Variants in PAX2 observed in about 807,000 individuals in gnomAD.
PAX2 encodes the protein paired box protein Pax-2.
PAX2 carries 9 observed loss-of-function variants against 41.7 expected under a neutral mutation model. The ratio of observed to expected loss-of-function variants is 0.22; its 90% CI spans 0.13 to 0.38. The LOEUF (loss-of-function observed/expected upper bound fraction) is 0.38, where lower values mean the gene tolerates loss of function less well. PAX2 is among the 10% of genes least tolerant of loss of function. PAX2 has a pLI of 1.00. For synonymous variants in PAX2, 221 were observed against 212.7 expected, an observed-to-expected ratio of 1.04 and a Z score of -0.34; for missense variants, 418 against 531.6, an observed-to-expected ratio of 0.79 and a Z score of 2.10.
Position 100,829,365 on chromosome 10 carries a change from G to A in PAX2, c.*1746G>A, listed in dbSNP as rs1008825223. ...TGGCCCGGCCGCCCTGTCTCCGCAG[G>A]CTAGATCCGAGGTGGCAGCTCCAGC... On this transcript the variant is annotated 3_prime_UTR_variant, in exon 10 of 10. Coordinates refer to ENST00000355243, the MANE Select transcript of PAX2 (RefSeq NM_000278.5). 4 of 214,516 alleles carry A rather than the reference G, an allele frequency of 1.9e-5. No individual in the cohort carries two copies. The highest frequency in any genetic ancestry group is 1.8e-4 in the Admixed American group (3 of 17,108). 13.3% of individuals were successfully genotyped at this position (214,516 alleles called of 1,614,324 possible). A position where few individuals can be genotyped will look rare whatever the true frequency, so the allele number is the denominator to read the frequency against.
chr10:100,803,587 C>A (rs907183443), intron 5 of PAX2, among the ~76,000 whole-genome samples: 7 of 152,140 alleles, frequency 4.6e-5, no homozygotes, highest in African/African-American at 1.2e-4. Context: ...CCATAAGTTT[C>A]TTTGTGCTCC....
Position 100,745,588 on chromosome 10 carries a change from C to T in PAX2, c.-673C>T, listed in dbSNP as rs1393379078. 3 of 205,198 alleles carry T rather than the reference C, an allele frequency of 1.5e-5. No homozygotes were observed. The highest frequency in any genetic ancestry group is 9.4e-5 in the East Asian group (1 of 10,656). The allele number at this position is 205,198 out of a possible 1,614,324, so 12.7% of individuals were successfully genotyped here. On this transcript the variant is annotated 5_prime_UTR_variant, in exon 1 of 10. Transcript: ENST00000355243. Reference sequence around the variant, plus strand: ...CACCGGGAGCCGAGGCTCCAGTCTCCGGCCGAGTCTTCTCGCAGCCGCAAC... The same window carrying T: ...CACCGGGAGCCGAGGCTCCAGTCTCTGGCCGAGTCTTCTCGCAGCCGCAAC...
intron 7 of PAX2, among the ~76,000 whole-genome samples, chr10:100,821,475 G>T (rs1326912479): frequency 1.3e-5 from 2 of 152,176 alleles, no homozygotes; most frequent in Non-Finnish European, 2.9e-5. Flanking sequence ...ATTTCTACAT[G>T]GCACTGCCCA....
At position 100,827,485 on chromosome 10, in the gene PAX2, T is replaced by C; in HGVS notation, c.1109-58T>C. ...GTCTTTTCTGTGCTTTTCTTTCCTT[T>C]TTTGTTCTCCTGTTTGTCCTCTCAC... is the stretch of plus-strand genomic sequence containing the variant. On this transcript the variant is annotated intron_variant, in intron 9 of 9. Coordinates refer to ENST00000355243, the MANE Select transcript of PAX2 (RefSeq NM_000278.5). This position sits in a 1 kb window ranked among gnomAD's most constrained non-coding sequence, Gnocchi z 8.5. The C allele has an allele frequency of 6.4e-7, 1 of 1,558,620 alleles. No individual in the cohort carries two copies. Among genetic ancestry groups the C allele is most frequent in the Non-Finnish European group, 8.9e-7 (1 of 1,129,744 alleles).
Position 100,827,074 on chromosome 10 carries a change from T to G in PAX2, c.1087T>G (p.Phe363Val). ...CACGGCCTACAACGAGGCTTGGAGA[T>G]TCAGCAACCCCGCCTTACTAAGTGA... ...QYTAYNEAWR[F>V]SNPALLSSPY... Residue 363 changes from phenylalanine to valine, a missense_variant, in exon 9 of 10, where the codon TTC becomes GTC. This residue lies in a region of PAX2 where 310 missense variants were observed against 325.2 expected (regional missense o/e 0.95). Transcript: ENST00000355243. This position sits in a 1 kb window ranked among gnomAD's most constrained non-coding sequence, Gnocchi z 8.5. The G allele has an allele frequency of 6.2e-7, 1 of 1,613,374 alleles. No homozygotes were observed. Among genetic ancestry groups the G allele is most frequent in the South Asian group, 1.1e-5 (1 of 91,082 alleles).
chr10:100,773,359 A>G (rs945620775), intron 3 of PAX2, among the ~76,000 whole-genome samples: 4 of 152,138 alleles, frequency 2.6e-5, no homozygotes, highest in African/African-American at 9.7e-5. Flanking sequence ...AAATGCTGCC[A>G]CCTCACTCCT....
At chr10:100,787,012 G>T in intron 5 of PAX2, 1 of 1,384,022 alleles carries the variant, frequency 7.2e-7, no homozygotes, top group Non-Finnish European at 9.7e-7. Context: ...ACTTTAAGAG[G>T]TATGAGGGCC....
chr10:100,783,659 CTT>C (rs36041109), intron 5 of PAX2, among the ~76,000 whole-genome samples: 6 of 118,466 alleles, frequency 5.1e-5, no homozygotes, highest in Non-Finnish European at 8.3e-5. Context: ...GGAGTTTGGG[CTT>C]TTTTTTTTTT....
At chr10:100,769,105 A>T (rs1846121806) in intron 3 of PAX2, among the ~76,000 whole-genome samples, 1 of 152,364 alleles carries the variant, frequency 6.6e-6, no homozygotes, top group South Asian at 2.1e-4. Flanking sequence ...CATAAGTTCT[A>T]GAGTGAGACA....
rs1249836352 is a variant in PAX2, at chr10:100,779,620, C to T, written c.496+37C>T. On this transcript the variant is annotated intron_variant, in intron 4 of 9. Coordinates refer to ENST00000355243, the MANE Select transcript of PAX2 (RefSeq NM_000278.5). ...CAGGGAAGGGGAGGAAACCAGATCC[C>T]ACCTAGAGAAAGGCAGGAAACGCAG... 4.0e-6 allele frequency: 6 copies of T among 1,484,794 alleles called. No individual in the cohort carries two copies. The Admixed American group carries it at 5.8e-5, about 14-fold the overall frequency. 92.0% of individuals were successfully genotyped at this position (1,484,794 alleles called of 1,614,324 possible).
At chr10:100,745,004 GAGGA>G (rs1310407171), upstream of PAX2, among the ~76,000 whole-genome samples, 151 of 151,626 alleles carry the variant, frequency 1.0e-3, no homozygotes, top group Middle Eastern at 0.014. Context: ...ACCAGAAAGA[GAGGA>G]AGGAAGAGCC....
At chr10:100,771,015 A>G (rs1285504621) in intron 3 of PAX2, among the ~76,000 whole-genome samples, 1 of 152,202 alleles carries the variant, frequency 6.6e-6, no homozygotes, top group East Asian at 1.9e-4. Context: ...TAGAGTTCAG[A>G]AACTCTAATT....
At chr10:100,764,229 C>T (rs1278320232) in intron 3 of PAX2, among the ~76,000 whole-genome samples, 4 of 150,844 alleles carry the variant, frequency 2.7e-5, no homozygotes, top group African/African-American at 9.8e-5. Context: ...CTGCAACCTC[C>T]GCCTCCCGGG....
At chr10:100,753,840 A>G (rs533990940) in intron 3 of PAX2, among the ~76,000 whole-genome samples, 1 of 152,244 alleles carries the variant, frequency 6.6e-6, no homozygotes, top group Non-Finnish European at 1.5e-5. Flanking sequence ...CTGGCCATCC[A>G]GCCTGTATTC....
chr10:100,768,756 T>C (rs1177435944), intron 3 of PAX2, among the ~76,000 whole-genome samples: 1 of 152,202 alleles, frequency 6.6e-6, no homozygotes, highest in Non-Finnish European at 1.5e-5. Context: ...TCTTACCCGA[T>C]GCATATGTAT....
Position 100,748,882 on chromosome 10 carries a change from C to G in PAX2, c.44-864C>G, listed in dbSNP as rs1034830343. 1 of 985,330 alleles carries G rather than the reference C, an allele frequency of 1.0e-6. No individual in the cohort carries two copies. The highest frequency in any genetic ancestry group is 1.7e-5 in the African/African-American group (1 of 57,244). 61.0% of individuals were successfully genotyped at this position (985,330 alleles called of 1,614,324 possible). A position where few individuals can be genotyped will look rare whatever the true frequency, so the allele number is the denominator to read the frequency against. On this transcript the variant is annotated intron_variant, in intron 1 of 9. Transcript: ENST00000355243. This position sits in a 1 kb window ranked among gnomAD's most constrained non-coding sequence, Gnocchi z 5.0. ...AGAGTTATTAACTCGCCAGCGAGGC[C>G]TATGCCGTGCCACCTGGGCGAGACG... is the stretch of plus-strand genomic sequence containing the variant.
intron 1 of PAX2, chr10:100,747,628 G>A: frequency 1.0e-6 from 1 of 984,906 alleles, no homozygotes; most frequent in Non-Finnish European, 1.2e-6. Context: ...AGGGAGAGCT[G>A]TGTTTTTCGC....
intron 5 of PAX2, chr10:100,786,948 G>T (rs755200017): frequency 7.2e-7 from 1 of 1,387,112 alleles, no homozygotes. Flanking sequence ...TCTAGTTGAG[G>T]TATACACTGA....
In PAX2 at chr10:100,746,070, C is replaced by G. The variant is rs1845154711; in HGVS notation, c.-191C>G. ...TTGCGGCTACTGCAGTTGCAAGCTC[C>G]GGCCAACCCGGAGGAGCCCCAGCGG... On this transcript the variant is annotated 5_prime_UTR_variant, in exon 1 of 10. Transcript: ENST00000355243. The G allele has an allele frequency of 7.4e-6, 11 of 1,483,978 alleles. No individual in the cohort carries two copies. The highest frequency in any genetic ancestry group is 9.8e-6 in the Non-Finnish European group (11 of 1,126,416). 91.9% of individuals were successfully genotyped at this position (1,483,978 alleles called of 1,614,324 possible).
Sources: allele counts gnomAD v4.1 joint callset (sites outside exome capture counted in the v4.1 genomes callset), GRCh38; gene constraint gnomAD v4.1.1; regional missense constraint gnomAD v4.1.1; non-coding constraint Gnocchi (gnomAD v3.1); transcripts MANE v1.5; gene names NCBI Gene and HGNC (gene_info 2026-07-23, HGNC 2026-07-21).